Variants in TMEM176B observed in about 807,000 individuals in gnomAD.
TMEM176B encodes the protein LR8-like protein.
In TMEM176B, 28 loss-of-function variants were observed where a neutral mutation model predicts 30.3. The observed-to-expected ratio is 0.92, with a 90% CI of 0.68 to 1.27. The LOEUF (loss-of-function observed/expected upper bound fraction) is 1.27, where lower values mean the gene tolerates loss of function less well. Ranked by LOEUF, TMEM176B falls within the 50% of genes most tolerant of loss-of-function variation. The probability of loss-of-function intolerance (pLI) is 0.00; values close to 1 mark genes in which losing one functional copy is unlikely to be tolerated. For missense variants in TMEM176B, 349 were observed against 327.4 expected (o/e 1.07, Z -0.51); for synonymous variants, 123 against 130.3 (o/e 0.94, Z 0.38).
At position 150,791,486 on chromosome 7, in the gene TMEM176B, G is replaced by A; in HGVS notation, c.*45C>T. 1.3e-6 allele frequency: 2 copies of A among 1,564,876 alleles called. No individual in the cohort carries two copies. The highest frequency in any genetic ancestry group is 1.1e-5 in the South Asian group (1 of 89,652). ...GAGCCAGGAGTGGGGGCCCTGGGCT[G>A]CCCTAGACAGGGACATGCGGGCACC... On this transcript the variant is annotated 3_prime_UTR_variant, in exon 7 of 7. Transcript: ENST00000326442.
chr7:150,792,263 G>A, intron 5 of TMEM176B, 88 bp from the exon 6 acceptor site: 3 of 1,541,624 alleles, frequency 1.9e-6, no homozygotes, highest in South Asian at 1.2e-5. Context: ...CCCAGGCACT[G>A]ACTCTATCCA....
In TMEM176B at chr7:150,791,564, AG is replaced by A. The variant is rs1254275924; in HGVS notation, c.779del (p.Ser260LeufsTer80). The A allele has an allele frequency of 3.1e-6, 5 of 1,613,862 alleles. No individual in the cohort carries two copies. The highest frequency in any genetic ancestry group is 1.3e-5 in the African/African-American group (1 of 74,894). On this transcript the variant is annotated frameshift_variant, in exon 7 of 7. Transcript: ENST00000326442. LOFTEE classifies it high-confidence loss of function. The stretch of plus-strand genomic sequence containing the variant: ...CAATGGCAGTGGAGGTCTGCTCCCT[AG>A]AGGGCGAAGGGGGCACTGAATTCTC... ...LGENSVPPSPSREQTSTAIVL is the reference protein window; with the variant it reads ...LGENSVPPSPXREQTSTAIVL
rs1798301353 is a variant in TMEM176B, at chr7:150,791,506, G to A, written c.*25C>T. On this transcript the variant is annotated 3_prime_UTR_variant, in exon 7 of 7. Transcript: ENST00000326442. ...GGGCTGCCCTAGACAGGGACATGCG[G>A]GCACCCCGTGGGGTCTTTGGCAGCT... is the stretch of plus-strand genomic sequence containing the variant. 1 of 1,606,566 alleles carries A rather than the reference G, an allele frequency of 6.2e-7. No individual in the cohort carries two copies.
chr7:150,791,790 C>T (rs1479492627), intron 6 of TMEM176B, among the ~76,000 whole-genome samples, 167 bp from the exon 7 acceptor site: 3 of 150,436 alleles, frequency 2.0e-5, no homozygotes, highest in South Asian at 2.1e-4. Flanking sequence ...GGGAGTCAGA[C>T]GAACACCTGG....
chr7:150,798,406 C>T (rs903317518), intron 1 of TMEM176B, among the ~76,000 whole-genome samples: 5 of 152,136 alleles, frequency 3.3e-5, no homozygotes, highest in Admixed American at 2.0e-4. Flanking sequence ...CTCAGCCTCC[C>T]GAGTAACTAC....
chr7:150,796,128 C>T (rs1798513109), intron 2 of TMEM176B, among the ~76,000 whole-genome samples: 1 of 152,156 alleles, frequency 6.6e-6, no homozygotes, highest in Admixed American at 6.6e-5. Flanking sequence ...TCACCAGCTC[C>T]CCAAAACCTA....
At chr7:150,795,491 A>G (rs1164974119) in intron 2 of TMEM176B, among the ~76,000 whole-genome samples, 2 of 151,960 alleles carry the variant, frequency 1.3e-5, no homozygotes, top group African/African-American at 2.4e-5. Context: ...CCCTCACCTG[A>G]TCTACCTTTA....
intron 2 of TMEM176B, among the ~76,000 whole-genome samples, chr7:150,795,275 A>C (rs1014363454): frequency 1.3e-5 from 2 of 152,194 alleles, no homozygotes; most frequent in African/African-American, 4.8e-5. Context: ...GCTCTCAGCA[A>C]TATGGGCCCA....
intron 1 of TMEM176B, among the ~76,000 whole-genome samples, chr7:150,799,148 T>C (rs1206188192): frequency 2.0e-5 from 3 of 152,238 alleles, no homozygotes; most frequent in Non-Finnish European, 4.4e-5. Context: ...CGGATCCAAG[T>C]TCTGTTGCTG....
At chr7:150,792,584 T>C (rs1346864149) in intron 5 of TMEM176B, among the ~76,000 whole-genome samples, 1 of 152,166 alleles carries the variant, frequency 6.6e-6, no homozygotes, top group East Asian at 1.9e-4. Context: ...CATTGCCGGC[T>C]CTTGCTGACA....
chr7:150,794,017 A>T lies in TMEM176B; in HGVS notation c.259T>A (p.Leu87Met). The T allele has an allele frequency of 1.9e-6, 3 of 1,614,016 alleles. No homozygotes were observed. Among genetic ancestry groups the T allele is most frequent in the Non-Finnish European group, 2.5e-6 (3 of 1,179,936 alleles). Residue 87 changes from leucine to methionine, a missense_variant, in exon 3 of 7, where the codon TTG becomes ATG. Transcript: ENST00000326442. ...VSCVLGVCLS[L>M]GPWTVLSASG... ...GCACTCAGCACAGTCCAGGGCCCCA[A>T]GCTGAGACACACTCCAAGAACACAA...
chr7:150,793,251 C>T lies in TMEM176B; in HGVS notation c.437G>A (p.Cys146Tyr), dbSNP rs1798387174. The T allele has an allele frequency of 3.1e-6, 5 of 1,614,224 alleles. No homozygotes were observed. In the East Asian group the frequency reaches 6.7e-5, roughly 22 times the overall value. ...AGTTTGCCAGATGAAGCTATTCACG[C>T]AGAGGACAACAGCAGCCATAGCTGT... Reference protein sequence around the residue: ...FATAMAAVVLCVNSFIWQTEP... With the variant: ...FATAMAAVVLYVNSFIWQTEP... The change falls in exon 5 of 7, where the codon TGC (cysteine) becomes TAC (tyrosine). Residue 146 changes from cysteine to tyrosine, a missense_variant. By Grantham distance (194) the Cys-to-Tyr change is radical. Transcript: ENST00000326442.
chr7:150,797,626 T>C (rs958130544), intron 1 of TMEM176B, among the ~76,000 whole-genome samples: 1 of 152,172 alleles, frequency 6.6e-6, no homozygotes, highest in Non-Finnish European at 1.5e-5. Context: ...AAGGTTGTCA[T>C]TTTACAGAGT....
intron 3 of TMEM176B, 133 bp from the exon 4 acceptor site, chr7:150,793,733 C>G (rs763183189): frequency 3.3e-4 from 345 of 1,030,142 alleles, no homozygotes; most frequent in Admixed American, 5.8e-4. Flanking sequence ...CTCTGACACA[C>G]AGACCAGGAT....
chr7:150,798,356 A>G (rs1798607700), intron 1 of TMEM176B, among the ~76,000 whole-genome samples: 1 of 152,098 alleles, frequency 6.6e-6, no homozygotes, highest in Non-Finnish European at 1.5e-5. Context: ...ATCTCGGCTC[A>G]CTGCCAGCTC....
At chr7:150,791,668 G>A (rs758229744) in intron 6 of TMEM176B, 45 bp from the exon 7 acceptor site, 1 of 1,533,704 alleles carries the variant, frequency 6.5e-7, no homozygotes, top group Non-Finnish European at 9.0e-7. Context: ...AAAGGATGCA[G>A]GCAGAGTTAG....
At chr7:150,794,905 T>TA (rs1423369628) in intron 2 of TMEM176B, among the ~76,000 whole-genome samples, 14 of 92,932 alleles carry the variant, frequency 1.5e-4, no homozygotes, top group Non-Finnish European at 2.4e-4. Flanking sequence ...AATCCCCTAC[T>TA]ACCACACACA....
chr7:150,796,955 A>G (rs904324373), intron 1 of TMEM176B, among the ~76,000 whole-genome samples: 1 of 152,060 alleles, frequency 6.6e-6, no homozygotes, highest in Non-Finnish European at 1.5e-5. Context: ...CTCCATCTCA[A>G]AAAAAACAAA....
At chr7:150,794,106 G>T (rs185356988) in intron 2 of TMEM176B, 35 bp from the exon 3 acceptor site, 1 of 1,566,370 alleles carries the variant, frequency 6.4e-7, no homozygotes, top group Admixed American at 1.7e-5. Context: ...ACCCCTTCCC[G>T]TGAGTCCACA....
Sources: gnomAD v4.1 joint callset for allele counts (sites outside exome capture counted in the v4.1 genomes callset) on GRCh38, gnomAD v4.1.1 for gene constraint, MANE v1.5 for transcripts, NCBI Gene and HGNC (gene_info 2026-07-23, HGNC 2026-07-21) for gene names.